The following DOCK2 variants were observed in gnomAD, a reference collection of about 807,000 sequenced individuals.
DOCK2 encodes the protein dedicator of cytokinesis protein 2.
A neutral mutation model predicts 248.9 loss-of-function variants in DOCK2; 87 were observed. That is an observed-to-expected ratio of 0.35 (90% CI 0.29 to 0.42). DOCK2 has a LOEUF of 0.42. Ranked by LOEUF, DOCK2 falls within the 10% of genes least tolerant of loss-of-function variation. DOCK2 has a pLI of 1.00. For missense variants in DOCK2, 1,747 were observed against 2,300.2 expected (o/e 0.76, Z 4.92); for synonymous variants, 805 against 821.6 (o/e 0.98, Z 0.35).
chr5:169,667,286 A>C (rs550517809), intron 2 of DOCK2, among the ~76,000 whole-genome samples: 1 of 152,304 alleles, frequency 6.6e-6, no homozygotes, highest in African/African-American at 2.4e-5. Flanking sequence ...AATGTGGCCA[A>C]CCAGCTTTAA....
intron 25 of DOCK2, among the ~76,000 whole-genome samples, chr5:169,765,991 C>T (rs538834209): frequency 1.3e-5 from 2 of 152,188 alleles, no homozygotes; most frequent in East Asian, 3.9e-4. Flanking sequence ...GTGCCTATAT[C>T]TTTTCTAATC....
chr5:169,730,264 C>G (rs1762701183), intron 22 of DOCK2, among the ~76,000 whole-genome samples: 1 of 152,144 alleles, frequency 6.6e-6, no homozygotes, highest in South Asian at 2.1e-4. Context: ...GCCCTGTAAA[C>G]TGAGATGTGA....
chr5:170,055,030 T>C (rs998824924), intron 41 of DOCK2, among the ~76,000 whole-genome samples: 2 of 152,190 alleles, frequency 1.3e-5, no homozygotes. Context: ...TTATTATTAA[T>C]GATAATATAG....
chr5:169,995,070 C>T (rs1754558930), intron 29 of DOCK2, among the ~76,000 whole-genome samples: 2 of 150,928 alleles, frequency 1.3e-5, no homozygotes, highest in Non-Finnish European at 1.5e-5. Context: ...TCACTATTGC[C>T]CAGGCTGGAG....
At chr5:170,008,376 A>T in intron 30 of DOCK2, 121 bp from the exon 31 acceptor site, 1 of 983,558 alleles carries the variant, frequency 1.0e-6, no homozygotes, top group Non-Finnish European at 1.5e-6. Flanking sequence ...TGCAGTGGGC[A>T]CAATTAAACT....
At chr5:169,701,007 A>G (rs986137267) in intron 13 of DOCK2, among the ~76,000 whole-genome samples, 4 of 152,328 alleles carry the variant, frequency 2.6e-5, no homozygotes, top group East Asian at 1.9e-4. Context: ...TCAATTTTCA[A>G]TGGGCATGAT....
chr5:170,065,590 G>T (rs1757462477), intron 44 of DOCK2, among the ~76,000 whole-genome samples: 1 of 152,180 alleles, frequency 6.6e-6, no homozygotes, highest in Admixed American at 6.5e-5. Flanking sequence ...AGTTCTACAT[G>T]GCTAGGGAGG....
chr5:169,901,831 G>A, intron 27 of DOCK2, among the ~76,000 whole-genome samples: 1 of 152,192 alleles, frequency 6.6e-6, no homozygotes, highest in Non-Finnish European at 1.5e-5. Flanking sequence ...ATGTGCTATG[G>A]TGTTACCACC....
chr5:169,974,991 A>C (rs1777665912), intron 27 of DOCK2, among the ~76,000 whole-genome samples: 1 of 152,154 alleles, frequency 6.6e-6, no homozygotes, highest in Non-Finnish European at 1.5e-5. Flanking sequence ...CTTTAACCAG[A>C]GACTGGGAGC....
chr5:169,977,158 G>A lies in DOCK2; in HGVS notation c.2800-5910G>A, dbSNP rs1346841136. ...TCACTTTTCCTACCTGCCAGCAACT[G>A]TTCCTGAATAAAAGAACTGTCCCAG... On this transcript the variant is annotated intron_variant, in intron 27 of 51. Coordinates refer to ENST00000520908, the MANE Select transcript of DOCK2 (RefSeq NM_004946.3). 1.6e-4 allele frequency among the ~76,000 whole-genome samples: 25 copies of A among 152,226 alleles called. 2 individuals are homozygous for A. Among genetic ancestry groups the A allele is most frequent in the Non-Finnish European group, 3.2e-4 (22 of 68,040 alleles).
At position 169,637,312 on chromosome 5, in the gene DOCK2, G is replaced by A; in HGVS notation, c.-15G>A. 2.1e-6 allele frequency: 3 copies of A among 1,426,334 alleles called. No homozygotes were observed. In the South Asian group the frequency reaches 4.3e-5, roughly 20 times the overall value. 88.4% of individuals were successfully genotyped at this position (1,426,334 alleles called of 1,614,324 possible). On this transcript the variant is annotated 5_prime_UTR_variant, in exon 1 of 52. Transcript: ENST00000520908. ...ACGGCTTCCCCACGGGAGGACGCGA[G>A]GCCCCGGCCCAGCCATGGCCCCCTG...
At chr5:169,817,141 C>T (rs574624518) in intron 26 of DOCK2, among the ~76,000 whole-genome samples, 54 of 152,292 alleles carry the variant, frequency 3.5e-4, no homozygotes, top group African/African-American at 1.2e-3. Flanking sequence ...AATTCTTCCT[C>T]GATTAAGAAA....
At chr5:169,823,908 A>G (rs527746617) in intron 26 of DOCK2, among the ~76,000 whole-genome samples, 2 of 152,258 alleles carry the variant, frequency 1.3e-5, no homozygotes, top group East Asian at 1.9e-4. Context: ...AAGCTGATAA[A>G]CAACTTCAGC....
intron 27 of DOCK2, among the ~76,000 whole-genome samples, chr5:169,970,433 C>G (rs1455003174): frequency 6.6e-6 from 1 of 152,194 alleles, no homozygotes; most frequent in African/African-American, 2.4e-5. Flanking sequence ...AGAACAATCA[C>G]TTTGTTTGTA....
At chr5:170,009,087 G>T (rs1340503985) in intron 32 of DOCK2, among the ~76,000 whole-genome samples, 1 of 151,858 alleles carries the variant, frequency 6.6e-6, no homozygotes, top group Admixed American at 6.6e-5. Flanking sequence ...CTGATTGGAG[G>T]GTCCTTCTGC....
intron 46 of DOCK2, among the ~76,000 whole-genome samples, chr5:170,075,124 C>A (rs1413366262): frequency 6.6e-6 from 1 of 152,178 alleles, no homozygotes. Flanking sequence ...TTTATGTCAC[C>A]ATCATGAAAG....
At chr5:169,932,592 C>T (rs980079684) in intron 27 of DOCK2, among the ~76,000 whole-genome samples, 6 of 152,126 alleles carry the variant, frequency 3.9e-5, no homozygotes, top group African/African-American at 1.4e-4. Flanking sequence ...TTGACACTGA[C>T]CACAAGGTGA....
At chr5:169,838,151 A>G (rs562324651) in intron 26 of DOCK2, among the ~76,000 whole-genome samples, 4 of 152,282 alleles carry the variant, frequency 2.6e-5, no homozygotes, top group Admixed American at 2.0e-4. Context: ...AGTTGGTCCA[A>G]TTGAAGGCAG....
chr5:169,849,735 C>G (rs997376635), intron 27 of DOCK2, among the ~76,000 whole-genome samples: 1 of 152,196 alleles, frequency 6.6e-6, no homozygotes, highest in Non-Finnish European at 1.5e-5. Flanking sequence ...ATGGAGTTTG[C>G]AAAGGGTTCT....
Sources: gnomAD v4.1 joint callset for allele counts (sites outside exome capture counted in the v4.1 genomes callset) on GRCh38, gnomAD v4.1.1 for gene constraint, MANE v1.5 for transcripts, NCBI Gene and HGNC (gene_info 2026-07-23, HGNC 2026-07-21) for gene names.